The following UPP2 variants were observed in gnomAD, a reference collection of about 807,000 sequenced individuals.
The protein encoded by UPP2 is uridine phosphorylase 2.
Under a neutral mutation model 26.7 loss-of-function variants are expected in UPP2, and 23 were observed. The ratio of observed to expected loss-of-function variants is 0.86; its 90% confidence interval spans 0.62 to 1.22. The LOEUF is 1.22. Among genes scored for constraint, UPP2 ranks in the 50% most tolerant of loss-of-function variants. UPP2 has a pLI of 0.00. For synonymous variants in UPP2, 127 were observed against 141.3 expected (o/e 0.90, Z 0.72); for missense variants, 387 against 396.7 (o/e 0.98, Z 0.21).
intron 3 of UPP2, among the ~76,000 whole-genome samples, chr2:158,025,345 G>A (rs1683818145): frequency 6.6e-6 from 1 of 152,212 alleles, no homozygotes; most frequent in Non-Finnish European, 1.5e-5. Context: ...CTTGGCTGAT[G>A]CAGACCTGAG....
At chr2:158,020,458 T>A (rs1359971004) in intron 3 of UPP2, among the ~76,000 whole-genome samples, 27 of 152,178 alleles carry the variant, frequency 1.8e-4, no homozygotes. Context: ...GACGGCAGGG[T>A]GGAGCTGGCA....
intron 3 of UPP2, among the ~76,000 whole-genome samples, chr2:158,051,201 G>T (rs538096069): frequency 6.9e-6 from 1 of 144,200 alleles, no homozygotes; most frequent in Admixed American, 6.9e-5. Flanking sequence ...GTGTGTGTAT[G>T]TGTGTATAAT....
At chr2:158,049,463 T>G (rs573061633) in intron 3 of UPP2, among the ~76,000 whole-genome samples, 1 of 152,344 alleles carries the variant, frequency 6.6e-6, no homozygotes, top group African/African-American at 2.4e-5. Context: ...TAAATGTTCT[T>G]TCCCTGTTTT....
At chr2:158,115,295 C>A (rs1454385167) in intron 3 of UPP2, 36 bp downstream of exon 3, 2 of 1,535,804 alleles carry the variant, frequency 1.3e-6, no homozygotes, top group Admixed American at 2.1e-5. Context: ...CTAGTCATTG[C>A]AGGCTAGAGA....
At chr2:158,126,891 CCAGA>C (rs1558941473) in intron 6 of UPP2, 1 of 152,242 alleles carries the variant, frequency 6.6e-6, no homozygotes, top group African/African-American at 2.4e-5. Context: ...TCCTATCTCT[CCAGA>C]CAGCCTTCTG....
intron 6 of UPP2, among the ~76,000 whole-genome samples, chr2:158,128,708 C>T (rs1446773473): frequency 6.6e-6 from 1 of 152,168 alleles, no homozygotes; most frequent in Non-Finnish European, 1.5e-5. Context: ...TCCGTGTGGA[C>T]ACAACATGTT....
At chr2:158,123,228 G>T (rs1202182998) in intron 5 of UPP2, among the ~76,000 whole-genome samples, 1 of 152,216 alleles carries the variant, frequency 6.6e-6, no homozygotes, top group Non-Finnish European at 1.5e-5. Flanking sequence ...GTGATCACAA[G>T]GGGTGGCGTG....
chr2:158,010,431 C>A (rs1444355290), intron 2 of UPP2, among the ~76,000 whole-genome samples: 1 of 152,182 alleles, frequency 6.6e-6, no homozygotes, highest in Non-Finnish European at 1.5e-5. Context: ...CTCTTCCCGC[C>A]AACCATTAAC....
At chr2:158,060,147 C>T (rs571809815) in intron 3 of UPP2, among the ~76,000 whole-genome samples, 16 of 152,156 alleles carry the variant, frequency 1.1e-4, no homozygotes, top group African/African-American at 3.6e-4. Flanking sequence ...TGTGTTCAAC[C>T]TGAAGGTTGT....
At chr2:158,034,653 C>T (rs1322444589) in intron 3 of UPP2, among the ~76,000 whole-genome samples, 3 of 152,224 alleles carry the variant, frequency 2.0e-5, no homozygotes. Flanking sequence ...TCTAGGAAGT[C>T]TGTCCTATAA....
At chr2:158,121,986 C>T (rs921387589) in intron 5 of UPP2, among the ~76,000 whole-genome samples, 3 of 151,940 alleles carry the variant, frequency 2.0e-5, no homozygotes, top group Non-Finnish European at 4.4e-5. Context: ...ATGATCCTGT[C>T]CCCCGGAAAC....
At chr2:158,126,098 T>A (rs1049170173) in intron 6 of UPP2, among the ~76,000 whole-genome samples, 5 of 152,176 alleles carry the variant, frequency 3.3e-5, no homozygotes, top group Non-Finnish European at 7.3e-5. Context: ...GACCCTGGAC[T>A]CTGAGTCTTT....
At chr2:158,116,870 G>T (rs778951936) in intron 3 of UPP2, among the ~76,000 whole-genome samples, 4 of 149,182 alleles carry the variant, frequency 2.7e-5, no homozygotes, top group Non-Finnish European at 6.1e-5. Context: ...CTAAACATTT[G>T]AAAGTCAGGG....
intron 2 of UPP2, among the ~76,000 whole-genome samples, chr2:158,108,991 TGAA>T (rs1258604845): frequency 6.6e-6 from 1 of 151,516 alleles, no homozygotes; most frequent in Non-Finnish European, 1.5e-5. Flanking sequence ...CCATTTAATC[TGAA>T]GTAGAATTTT....
At chr2:158,073,410 G>C (rs1014006709) in intron 3 of UPP2, among the ~76,000 whole-genome samples, 2 of 152,072 alleles carry the variant, frequency 1.3e-5, no homozygotes, top group Non-Finnish European at 2.9e-5. Context: ...AAAGATAGGA[G>C]TAGAAAGTTT....
At chr2:158,004,999 C>T (rs1245901107) in intron 2 of UPP2, among the ~76,000 whole-genome samples, 1 of 151,976 alleles carries the variant, frequency 6.6e-6, no homozygotes, top group Admixed American at 6.6e-5. Flanking sequence ...GTTACAGTAC[C>T]CTAGGTTGGG....
intron 3 of UPP2, among the ~76,000 whole-genome samples, chr2:158,049,733 C>G (rs985674148): frequency 6.6e-6 from 1 of 152,160 alleles, no homozygotes; most frequent in Non-Finnish European, 1.5e-5. Flanking sequence ...AGATCTCAGT[C>G]TGTAGTAGAA....
At position 158,027,372 on chromosome 2, in the gene UPP2, C is replaced by T. The variant is rs552898751; in HGVS notation, c.147+11486C>T. Reference sequence around the variant, plus strand: ...AGGGGTTACAGGACCCATGCAAGTCCGAAATCCAGCGGGGCAGTCAAATTT... The same window carrying T: ...AGGGGTTACAGGACCCATGCAAGTCTGAAATCCAGCGGGGCAGTCAAATTT... On this transcript the variant is annotated intron_variant, in intron 3 of 9. Transcript: ENST00000605860. 5.9e-5 allele frequency among the ~76,000 whole-genome samples: 9 copies of T among 152,176 alleles called. No individual in the cohort carries two copies. In the South Asian group the frequency reaches 1.2e-3, roughly 21 times the overall value.
chr2:158,057,573 G>A (rs965169493), intron 3 of UPP2, among the ~76,000 whole-genome samples: 8 of 70,456 alleles, frequency 1.1e-4, no homozygotes, highest in Middle Eastern at 5.9e-3. Flanking sequence ...CCCACACCAA[G>A]TTTTCCCTTA....
Sources: gnomAD v4.1 joint callset for allele counts (sites outside exome capture counted in the v4.1 genomes callset) on GRCh38, gnomAD v4.1.1 for gene constraint, MANE v1.5 for transcripts, NCBI Gene and HGNC (gene_info 2026-07-23, HGNC 2026-07-21) for gene names.